Variants in SIPA1L1 observed in about 807,000 individuals in gnomAD.
SIPA1L1 encodes signal-induced proliferation-associated 1-like protein 1.
In SIPA1L1, 26 loss-of-function variants were observed where a neutral mutation model predicts 162.7. The ratio of observed to expected loss-of-function variants is 0.16; its 90% confidence interval spans 0.12 to 0.22. SIPA1L1 has a LOEUF of 0.22. Among genes scored for constraint, SIPA1L1 ranks in the 10% least tolerant of loss-of-function variants. The pLI, the probability that SIPA1L1 is intolerant of heterozygous loss-of-function variation, is 1.00. For missense variants in SIPA1L1, 1,874 were observed against 2,241.0 expected (o/e 0.84, Z 3.31); for synonymous variants, 829 against 837.4 (o/e 0.99, Z 0.17).
At position 71,377,792 on chromosome 14, in the gene SIPA1L1, C is replaced by T. The variant is rs571929721; in HGVS notation, c.-465+56611C>T. 3.9e-5 allele frequency among the ~76,000 whole-genome samples: 6 copies of T among 152,330 alleles called. No homozygotes were observed. Among genetic ancestry groups the T allele is most frequent in the South Asian group, 2.1e-4 (1 of 4,832 alleles). On this transcript the variant is annotated intron_variant, in intron 2 of 23. Coordinates refer to ENST00000381232, the MANE Select transcript of SIPA1L1 (RefSeq NM_001386936.1). This position sits in a 1 kb window ranked among gnomAD's most constrained non-coding sequence, Gnocchi z 4.8. ...GAGCTGGAGACCAGTCCGGCCAACA[C>T]GGCGAAACCCCGTCTCCACCAAAAA...
intron 5 of SIPA1L1, among the ~76,000 whole-genome samples, chr14:71,594,364 A>G (rs1366241261): frequency 6.6e-6 from 1 of 152,236 alleles, no homozygotes; most frequent in Admixed American, 6.5e-5. Context: ...TGCATATAGA[A>G]CATCAGGGAA....
chr14:71,656,176 AT>A (rs2043039261), intron 8 of SIPA1L1, among the ~76,000 whole-genome samples: 1 of 152,248 alleles, frequency 6.6e-6, no homozygotes, highest in Admixed American at 6.5e-5. Flanking sequence ...GATAGCATAC[AT>A]TGTGTGAAAT....
intron 4 of SIPA1L1, among the ~76,000 whole-genome samples, chr14:71,552,402 T>G (rs964772811): frequency 3.3e-5 from 5 of 151,916 alleles, no homozygotes; most frequent in Admixed American, 1.3e-4. Flanking sequence ...TTTCTTTTTT[T>G]TTTTTTTGAG....
chr14:71,719,379 A>AT (rs2083514701), intron 17 of SIPA1L1, among the ~76,000 whole-genome samples: 1 of 152,242 alleles, frequency 6.6e-6, no homozygotes, highest in Non-Finnish European at 1.5e-5. Flanking sequence ...CGAAGTGGTC[A>AT]TAACAAGTAG....
In SIPA1L1 at chr14:71,671,566, T is replaced by C. The variant is rs985681830; in HGVS notation, c.2703T>C (p.Cys901=). Residue 901 remains cysteine (C), a synonymous_variant, in exon 11 of 24, where the codon TGT becomes TGC. Coordinates refer to ENST00000381232, the MANE Select transcript of SIPA1L1 (RefSeq NM_001386936.1). ...AGAGCGTGGTCTTCAATTGTTCCTG[T>C]AGAGATGTGATAGGGTGGACTTCAA... ...ETKSVVFNCS[C]RDVIGWTSTD... 6.2e-7 allele frequency: 1 copy of C among 1,614,160 alleles called. No individual in the cohort carries two copies. The highest frequency in any genetic ancestry group is 1.7e-5 in the Admixed American group (1 of 60,018).
chr14:71,542,775 G>A (rs2054596486), intron 4 of SIPA1L1, among the ~76,000 whole-genome samples: 1 of 124,306 alleles, frequency 8.0e-6, no homozygotes, highest in African/African-American at 3.0e-5. Context: ...ACGAGATACA[G>A]TCTTGCTATG....
intron 2 of SIPA1L1, among the ~76,000 whole-genome samples, chr14:71,469,310 T>G (rs1052471808): frequency 1.3e-5 from 2 of 152,190 alleles, no homozygotes; most frequent in African/African-American, 4.8e-5. Flanking sequence ...GGTTGCTAGA[T>G]CCACATGAAA....
rs71105772 is a variant in SIPA1L1 at position 71,356,567 on chromosome 14, C to CAAAAAA, written c.-465+35401_-465+35406dup. 1.3e-4 allele frequency among the ~76,000 whole-genome samples: 5 copies of CAAAAAA among 39,160 alleles called. 1 individual carries two copies. Among genetic ancestry groups the CAAAAAA allele is most frequent in the Non-Finnish European group, 2.2e-4 (5 of 23,184 alleles). 25.7% of individuals were successfully genotyped at this position (39,160 alleles called of 152,430 possible). A position where few individuals can be genotyped will look rare whatever the true frequency, so the allele number is the denominator to read the frequency against. The stretch of plus-strand genomic sequence containing the variant: ...GCAACATAGCAAGACCTTGTCTCTA[C>CAAAAAA]AAAAAAAAAAAAAAAAAAAAGCACA... On this transcript the variant is annotated intron_variant, in intron 2 of 23. Transcript: ENST00000381232.
At chr14:71,693,096 T>C (rs1005600455) in intron 13 of SIPA1L1, among the ~76,000 whole-genome samples, 9 of 150,090 alleles carry the variant, frequency 6.0e-5, no homozygotes, top group African/African-American at 2.2e-4. Flanking sequence ...CAAATTTCAA[T>C]TTTTTTTTAA....
chr14:71,464,591 A>C (rs1474505955), intron 2 of SIPA1L1, among the ~76,000 whole-genome samples: 1 of 152,128 alleles, frequency 6.6e-6, no homozygotes, highest in Admixed American at 6.5e-5. Flanking sequence ...CAGTGAGCCC[A>C]AATCATGCCA....
chr14:71,704,685 A>T, intron 15 of SIPA1L1: 1 of 1,536,112 alleles, frequency 6.5e-7, no homozygotes, highest in Non-Finnish European at 9.0e-7. Context: ...TGTTTTAAGT[A>T]AACTAGTTGC....
intron 2 of SIPA1L1, among the ~76,000 whole-genome samples, chr14:71,374,177 C>A (rs1452729693): frequency 6.6e-6 from 1 of 152,064 alleles, no homozygotes; most frequent in Non-Finnish European, 1.5e-5. Flanking sequence ...GTATTTTTGA[C>A]AAAATTTTTT....
At position 71,416,753 on chromosome 14, in the gene SIPA1L1, G is replaced by T. The variant is rs180945691; in HGVS notation, c.-465+95572G>T. On this transcript the variant is annotated intron_variant, in intron 2 of 23. Coordinates refer to ENST00000381232, the MANE Select transcript of SIPA1L1 (RefSeq NM_001386936.1). ...CACACACACACACACACACACACAC[G>T]CATGCACACACACACAACCTTGTAT... Among the ~76,000 whole-genome samples, 106 of 115,046 alleles carry T rather than the reference G, an allele frequency of 9.2e-4. 1 individual carries two copies. In the East Asian group the frequency reaches 0.02, roughly 22 times the overall value. The allele number at this position is 115,046 out of a possible 152,430, so 75.5% of individuals were successfully genotyped here.
At chr14:71,537,209 T>C (rs1002149919) in intron 4 of SIPA1L1, among the ~76,000 whole-genome samples, 15 of 152,196 alleles carry the variant, frequency 9.9e-5, no homozygotes, top group African/African-American at 3.4e-4. Context: ...CTTTTATTTA[T>C]TTACTTATTT....
chr14:71,376,674 A>T (rs2039400150), intron 2 of SIPA1L1, among the ~76,000 whole-genome samples: 1 of 152,050 alleles, frequency 6.6e-6, no homozygotes, highest in Non-Finnish European at 1.5e-5. Context: ...AAACAGGTGA[A>T]CAAAGGTCTC....
intron 4 of SIPA1L1, chr14:71,573,579 T>C (rs552712103): frequency 2.2e-6 from 1 of 456,622 alleles, no homozygotes; most frequent in Non-Finnish European, 4.4e-6. Flanking sequence ...TGGGACCTGC[T>C]GAAGGAGGAA....
At chr14:71,497,217 T>C (rs1003974962) in intron 2 of SIPA1L1, among the ~76,000 whole-genome samples, 15 of 152,180 alleles carry the variant, frequency 9.9e-5, no homozygotes, top group African/African-American at 3.6e-4. Context: ...TACAGTTTTA[T>C]TTATTTTTAT....
intron 3 of SIPA1L1, among the ~76,000 whole-genome samples, chr14:71,516,792 G>A (rs1567137348): frequency 6.6e-6 from 1 of 151,952 alleles, no homozygotes; most frequent in Non-Finnish European, 1.5e-5. Context: ...GGCCAACATG[G>A]CAAAACCCCA....
intron 2 of SIPA1L1, among the ~76,000 whole-genome samples, chr14:71,495,260 T>C (rs1232527269): frequency 2.6e-5 from 4 of 152,148 alleles, no homozygotes; most frequent in Non-Finnish European, 5.9e-5. Context: ...CCTGGTATTT[T>C]CTTTTTGGGA....
Sources: allele counts gnomAD v4.1 joint callset (sites outside exome capture counted in the v4.1 genomes callset), GRCh38; gene constraint gnomAD v4.1.1; non-coding constraint Gnocchi (gnomAD v3.1); transcripts MANE v1.5; gene names NCBI Gene and HGNC (gene_info 2026-07-23, HGNC 2026-07-21).